DLG2: variants seen among roughly 807,000 people sequenced by gnomAD.
DLG2 encodes discs large MAGUK scaffold protein 2.
DLG2 carries 45 observed loss-of-function variants against 132.5 expected under a neutral mutation model. The ratio of observed to expected loss-of-function variants is 0.34; its 90% confidence interval spans 0.27 to 0.44. The LOEUF (loss-of-function observed/expected upper bound fraction) is 0.44. DLG2 is among the 20% of genes least tolerant of loss of function. DLG2 has a pLI of 1.00. For synonymous variants in DLG2, 424 were observed against 419.6 expected (o/e 1.01, Z -0.13); for missense variants, 1,045 against 1,196.9 (o/e 0.87, Z 1.87).
chr11:84,682,087 T>A (rs1055411985), intron 6 of DLG2, among the ~76,000 whole-genome samples: 1 of 152,082 alleles, frequency 6.6e-6, no homozygotes, highest in Admixed American at 6.5e-5. Context: ...AATCTACTTA[T>A]CCGGCTACCC....
intron 7 of DLG2, among the ~76,000 whole-genome samples, chr11:84,328,764 A>T (rs1357196386): frequency 6.6e-6 from 1 of 152,212 alleles, no homozygotes; most frequent in Non-Finnish European, 1.5e-5. Context: ...TCTTTCATCT[A>T]AATGATCTCT....
At chr11:85,472,421 C>G (rs2093013672) in intron 3 of DLG2, among the ~76,000 whole-genome samples, 1 of 152,190 alleles carries the variant, frequency 6.6e-6, no homozygotes, top group South Asian at 2.1e-4. Flanking sequence ...CCTGCCTCAG[C>G]CTCCCGAGTA....
intron 16 of DLG2, among the ~76,000 whole-genome samples, chr11:83,850,160 G>GTGTGTTT (rs1452960432): frequency 1.0e-4 from 13 of 124,372 alleles, no homozygotes; most frequent in African/African-American, 4.7e-4. Flanking sequence ...GTGTGTGTGT[G>GTGTGTTT]TTTTTTTACT....
chr11:84,553,878 G>A (rs1298010088), intron 6 of DLG2, among the ~76,000 whole-genome samples: 1 of 152,186 alleles, frequency 6.6e-6, no homozygotes, highest in Non-Finnish European at 1.5e-5. Flanking sequence ...AGTGCTTGGG[G>A]GGAATATTCA....
At chr11:85,209,467 T>TTTTTTTTTG (rs869176791) in intron 4 of DLG2, among the ~76,000 whole-genome samples, 2 of 146,044 alleles carry the variant, frequency 1.4e-5, no homozygotes, top group African/African-American at 5.1e-5. Context: ...TTTTTTTTTT[T>TTTTTTTTTG]GAGACAGAGA....
At chr11:84,464,909 C>A (rs1165116289) in intron 7 of DLG2, among the ~76,000 whole-genome samples, 1 of 150,878 alleles carries the variant, frequency 6.6e-6, no homozygotes. Flanking sequence ...AAAGGGACCT[C>A]GGAATCACAT....
At chr11:84,440,685 T>C (rs2099014603) in intron 7 of DLG2, among the ~76,000 whole-genome samples, 1 of 152,212 alleles carries the variant, frequency 6.6e-6, no homozygotes, top group African/African-American at 2.4e-5. Context: ...TAATTTTATT[T>C]TTAAAGCCTC....
At chr11:83,565,731 T>A (rs2096696529) in intron 19 of DLG2, among the ~76,000 whole-genome samples, 2 of 152,200 alleles carry the variant, frequency 1.3e-5, no homozygotes, top group Admixed American at 1.3e-4. Context: ...TAACAAATGA[T>A]TTTGAAGAGG....
At chr11:85,481,927 T>C (rs1190683577) in intron 3 of DLG2, among the ~76,000 whole-genome samples, 1 of 151,850 alleles carries the variant, frequency 6.6e-6, no homozygotes, top group Non-Finnish European at 1.5e-5. Flanking sequence ...CCCAACACTA[T>C]ATAGGATCCT....
chr11:85,424,967 T>C (rs1430377928), intron 3 of DLG2, among the ~76,000 whole-genome samples: 6 of 152,016 alleles, frequency 3.9e-5, no homozygotes, highest in African/African-American at 7.3e-5. Context: ...CTGAACTGAC[T>C]AAGAAAGTTT....
intron 9 of DLG2, among the ~76,000 whole-genome samples, chr11:84,127,892 A>T (rs1482249773): frequency 1.3e-5 from 2 of 152,188 alleles, no homozygotes; most frequent in Admixed American, 1.3e-4. Context: ...TTCAAATAAG[A>T]TCATGTTTAC....
At chr11:84,658,180 C>G (rs2099690448) in intron 6 of DLG2, among the ~76,000 whole-genome samples, 1 of 152,034 alleles carries the variant, frequency 6.6e-6, no homozygotes, top group Non-Finnish European at 1.5e-5. Flanking sequence ...TTTTGAAATG[C>G]CATCTTGGAT....
chr11:84,841,693 C>T (rs1027721368), intron 6 of DLG2, among the ~76,000 whole-genome samples: 2 of 151,878 alleles, frequency 1.3e-5, no homozygotes, highest in African/African-American at 4.8e-5. Context: ...TTCCACATTC[C>T]TTTATGGTCT....
chr11:83,690,029 T>C (rs2080678481), intron 18 of DLG2, among the ~76,000 whole-genome samples: 1 of 145,990 alleles, frequency 6.8e-6, no homozygotes, highest in South Asian at 2.1e-4. Context: ...TAAATATTTA[T>C]GTAAATATAA....
intron 3 of DLG2, among the ~76,000 whole-genome samples, chr11:85,412,253 T>C (rs2089376715): frequency 6.6e-6 from 1 of 151,740 alleles, no homozygotes; most frequent in Non-Finnish European, 1.5e-5. Flanking sequence ...AAATAAGGAA[T>C]TGTATAGTCC....
At chr11:83,591,282 G>T (rs1328444330) in intron 19 of DLG2, among the ~76,000 whole-genome samples, 2 of 132,806 alleles carry the variant, frequency 1.5e-5, no homozygotes, top group Non-Finnish European at 3.2e-5. Flanking sequence ...ACATCAAAAA[G>T]CTTATCCACT....
intron 6 of DLG2, among the ~76,000 whole-genome samples, chr11:84,694,780 A>G (rs2058439569): frequency 2.6e-5 from 4 of 151,586 alleles, no homozygotes; most frequent in Non-Finnish European, 5.9e-5. Context: ...TTAGATATTA[A>G]TCCAGAATCA....
chr11:84,040,334 T>C (rs2096029924), intron 11 of DLG2, among the ~76,000 whole-genome samples: 1 of 152,270 alleles, frequency 6.6e-6, no homozygotes, highest in Admixed American at 6.5e-5. Context: ...GGTTTTCTTC[T>C]AGGATTTTTA....
intron 6 of DLG2, among the ~76,000 whole-genome samples, chr11:84,540,020 C>T (rs2099364306): frequency 6.6e-6 from 1 of 152,172 alleles, no homozygotes; most frequent in Non-Finnish European, 1.5e-5. Flanking sequence ...TCCTTCCTTA[C>T]ATCTTATACC....
Sources: allele counts gnomAD v4.1 joint callset (sites outside exome capture counted in the v4.1 genomes callset), GRCh38; gene constraint gnomAD v4.1.1; transcripts MANE v1.5; gene names NCBI Gene and HGNC (gene_info 2026-07-23, HGNC 2026-07-21).